The following SUPT3H variants were observed in gnomAD, a reference collection of about 807,000 sequenced individuals.
SUPT3H encodes the protein transcription initiation protein SPT3 homolog.
In SUPT3H, 44 loss-of-function variants were observed where a neutral mutation model predicts 44.3. The ratio of observed to expected loss-of-function variants is 0.99; its 90% confidence interval spans 0.78 to 1.28. SUPT3H has a LOEUF of 1.28. Ranked by LOEUF, SUPT3H falls within the 50% of genes most tolerant of loss-of-function variation. The pLI is 0.00. For missense variants in SUPT3H, 380 were observed against 387.1 expected, an observed-to-expected ratio of 0.98 and a Z score of 0.15; for synonymous variants, 124 against 125.6, an observed-to-expected ratio of 0.99 and a Z score of 0.09.
intron 2 of SUPT3H, among the ~76,000 whole-genome samples, chr6:45,299,499 T>C (rs1163614015): frequency 6.6e-6 from 1 of 152,192 alleles, no homozygotes; most frequent in Non-Finnish European, 1.5e-5. Context: ...AAATGTGTAA[T>C]ATAAGTAAAA....
chr6:45,243,481 A>G (rs1770772762), intron 2 of SUPT3H, among the ~76,000 whole-genome samples: 1 of 144,282 alleles, frequency 6.9e-6, no homozygotes, highest in Admixed American at 6.8e-5. Context: ...TAAAATCAAT[A>G]AATCACTAGT....
chr6:45,299,779 A>G (rs1781860120), intron 2 of SUPT3H, among the ~76,000 whole-genome samples: 1 of 152,060 alleles, frequency 6.6e-6, no homozygotes, highest in Non-Finnish European at 1.5e-5. Flanking sequence ...TAATTAATTA[A>G]CAGTATCATG....
chr6:44,969,351 A>C (rs1337641856), intron 6 of SUPT3H, among the ~76,000 whole-genome samples: 1 of 152,180 alleles, frequency 6.6e-6, no homozygotes, highest in East Asian at 1.9e-4. Context: ...GATAGTATTT[A>C]TCTCTGGAGG....
chr6:44,930,166 C>A (rs1256181472), intron 10 of SUPT3H, among the ~76,000 whole-genome samples: 1 of 152,022 alleles, frequency 6.6e-6, no homozygotes, highest in African/African-American at 2.4e-5. Flanking sequence ...ATCATGAGGT[C>A]AGGAGATCGA....
At chr6:44,867,190 C>A (rs887731829) in intron 10 of SUPT3H, among the ~76,000 whole-genome samples, 3 of 149,740 alleles carry the variant, frequency 2.0e-5, no homozygotes, top group African/African-American at 7.4e-5. Flanking sequence ...CTCACTCTGT[C>A]ACCCAGGTTG....
intron 2 of SUPT3H, among the ~76,000 whole-genome samples, chr6:45,356,977 ACT>A (rs978334569): frequency 1.3e-5 from 2 of 151,484 alleles, no homozygotes; most frequent in Non-Finnish European, 2.9e-5. Context: ...ACTACTAACC[ACT>A]CTCTGATATA....
intron 2 of SUPT3H, among the ~76,000 whole-genome samples, chr6:45,233,707 TA>T (rs1768511377): frequency 6.6e-6 from 1 of 152,222 alleles, no homozygotes. Flanking sequence ...CTATTCAAGG[TA>T]TGATTGTCTA....
intron 2 of SUPT3H, among the ~76,000 whole-genome samples, chr6:45,199,832 T>G (rs1762197709): frequency 6.6e-6 from 1 of 151,510 alleles, no homozygotes; most frequent in Non-Finnish European, 1.5e-5. Flanking sequence ...AATACATGAC[T>G]TTGAACTCAG....
chr6:44,831,638 G>A (rs1446860669), intron 10 of SUPT3H, among the ~76,000 whole-genome samples: 12 of 152,152 alleles, frequency 7.9e-5, no homozygotes, highest in Admixed American at 7.9e-4. Flanking sequence ...CACAGGGATG[G>A]TTTTATATGG....
chr6:45,304,422 A>C (rs1027487487), intron 2 of SUPT3H, among the ~76,000 whole-genome samples: 2 of 152,144 alleles, frequency 1.3e-5, no homozygotes, highest in African/African-American at 4.8e-5. Context: ...CCATCCAAAA[A>C]ACTAAATATG....
chr6:45,287,208 T>C (rs1779457040), intron 2 of SUPT3H, among the ~76,000 whole-genome samples: 1 of 151,796 alleles, frequency 6.6e-6, no homozygotes, highest in South Asian at 2.1e-4. Context: ...AACCTGCACA[T>C]TGTGCACATG....
rs750659511 is a variant in SUPT3H at position 45,235,588 on chromosome 6, G to A, written c.102-129582C>T. Among the ~76,000 whole-genome samples, 13 of 152,076 alleles carry A rather than the reference G, an allele frequency of 8.5e-5. 1 individual carries two copies. The highest frequency in any genetic ancestry group is 1.9e-4 in the African/African-American group (8 of 41,416). On this transcript the variant is annotated intron_variant, in intron 2 of 10. Coordinates refer to ENST00000371459, the MANE Select transcript of SUPT3H (RefSeq NM_003599.4). ...TGATTTACTTTACAAACACACACGCGCATTTATTTTTAAGTAAATCAATTT... is the reference window on the plus strand; with the variant it reads ...TGATTTACTTTACAAACACACACGCACATTTATTTTTAAGTAAATCAATTT...
intron 2 of SUPT3H, among the ~76,000 whole-genome samples, chr6:45,284,343 C>G (rs959302735): frequency 2.0e-5 from 3 of 151,812 alleles, no homozygotes; most frequent in African/African-American, 4.8e-5. Context: ...ATTGACAGAC[C>G]GCTACCAAGA....
intron 2 of SUPT3H, among the ~76,000 whole-genome samples, chr6:45,275,313 C>A (rs1037287095): frequency 1.3e-5 from 2 of 152,110 alleles, no homozygotes; most frequent in Admixed American, 1.3e-4. Flanking sequence ...AATATTCATT[C>A]ATCTATAATA....
chr6:44,848,131 A>AT (rs1487021500), intron 10 of SUPT3H, among the ~76,000 whole-genome samples: 10 of 116,864 alleles, frequency 8.6e-5, no homozygotes, highest in Non-Finnish European at 4.2e-5. Context: ...ACACTCAGCT[A>AT]ATTTTTTTTT....
rs562867654 is a variant in SUPT3H at position 45,245,028 on chromosome 6, T to G, written c.101+120173A>C. ...CAAACTCTTCCACAGTAAAACTAGC[T>G]TTACCTTCGAGCATTAAAAGATTTT... On this transcript the variant is annotated intron_variant, in intron 2 of 10. Transcript: ENST00000371459. 1.6e-3 allele frequency among the ~76,000 whole-genome samples: 241 copies of G among 152,292 alleles called. 2 individuals carry two copies. The highest frequency in any genetic ancestry group is 5.4e-3 in the African/African-American group (224 of 41,578).
At chr6:45,330,846 C>G (rs777097065) in intron 2 of SUPT3H, among the ~76,000 whole-genome samples, 3 of 151,896 alleles carry the variant, frequency 2.0e-5, no homozygotes, top group Non-Finnish European at 2.9e-5. Context: ...CCCACTACCT[C>G]AGACTAATTA....
At chr6:45,065,510 T>G (rs1246982179) in intron 3 of SUPT3H, among the ~76,000 whole-genome samples, 64 of 144,888 alleles carry the variant, frequency 4.4e-4, no homozygotes, top group South Asian at 9.0e-4. Flanking sequence ...CAAAAATCAA[T>G]GAATCCAGGA....
chr6:45,242,175 A>G (rs1435012296), intron 2 of SUPT3H, among the ~76,000 whole-genome samples: 2 of 152,230 alleles, frequency 1.3e-5, no homozygotes, highest in Non-Finnish European at 2.9e-5. Flanking sequence ...CATAACAGCA[A>G]TGACTGAAAG....
Sources: allele counts gnomAD v4.1 joint callset (sites outside exome capture counted in the v4.1 genomes callset), GRCh38; gene constraint gnomAD v4.1.1; transcripts MANE v1.5; gene names NCBI Gene and HGNC (gene_info 2026-07-23, HGNC 2026-07-21).